LOC128125818: variants seen among roughly 807,000 people sequenced by gnomAD.
the LOC128125818 span, among the ~76,000 whole-genome samples, chr4:6,069,064 G>A: frequency 6.6e-6 from 1 of 152,100 alleles, no homozygotes; most frequent in African/African-American, 2.4e-5. This position sits in a 1 kb window ranked among gnomAD's most constrained non-coding sequence, Gnocchi z 4.5. Context: ...AATGTTTAAA[G>A]TAAAAACACA....
chr4:6,068,812 C>G, the LOC128125818 span, among the ~76,000 whole-genome samples: 1 of 152,116 alleles, frequency 6.6e-6, no homozygotes, highest in Non-Finnish European at 1.5e-5. Context: ...TCAAGTGATC[C>G]GTCTACCTCG....
At chr4:6,067,858 C>A in the LOC128125818 span, among the ~76,000 whole-genome samples, 1 of 152,202 alleles carries the variant, frequency 6.6e-6, no homozygotes, top group Non-Finnish European at 1.5e-5. The surrounding 1 kb of genome is among the most constrained non-coding windows in gnomAD (Gnocchi z 4.6). Context: ...AGGTCACCCC[C>A]CTGAGCTCCA....
chr4:6,069,918 C>T, the LOC128125818 span: 35 of 396,126 alleles, frequency 8.8e-5, no homozygotes, highest in Admixed American at 1.2e-3. This position sits in a 1 kb window ranked among gnomAD's most constrained non-coding sequence, Gnocchi z 4.5. Flanking sequence ...CAACCAGATC[C>T]AGTCTCTCTC....
chr4:6,067,953 G>A, the LOC128125818 span, among the ~76,000 whole-genome samples: 1 of 152,094 alleles, frequency 6.6e-6, no homozygotes, highest in South Asian at 2.1e-4. The surrounding 1 kb of genome is among the most constrained non-coding windows in gnomAD (Gnocchi z 4.6). Context: ...GGACGAGTCT[G>A]TTTGTTGCTG....
chr4:6,064,980 A>G, the LOC128125818 span: 1 of 1,614,176 alleles, frequency 6.2e-7, no homozygotes, highest in Middle Eastern at 1.6e-4. This position sits in a 1 kb window ranked among gnomAD's most constrained non-coding sequence, Gnocchi z 4.3. Context: ...CTCCTCATCA[A>G]ATCCAAAAAA....
chr4:6,067,361 G>A, the LOC128125818 span, among the ~76,000 whole-genome samples: 1 of 152,200 alleles, frequency 6.6e-6, no homozygotes. This position sits in a 1 kb window ranked among gnomAD's most constrained non-coding sequence, Gnocchi z 4.6. Context: ...TGCCCCAGAT[G>A]AGTCTCATTG....
At chr4:6,068,503 G>A in the LOC128125818 span, among the ~76,000 whole-genome samples, 1 of 151,798 alleles carries the variant, frequency 6.6e-6, no homozygotes, top group African/African-American at 2.4e-5. Context: ...GCAACGAGTT[G>A]TCTGGGACCC....
chr4:6,066,443 T>G, the LOC128125818 span, among the ~76,000 whole-genome samples: 1 of 152,098 alleles, frequency 6.6e-6, no homozygotes, highest in African/African-American at 2.4e-5. Context: ...CCTCCCACAT[T>G]CCTCCTTGCT....
chr4:6,067,947 G>A, the LOC128125818 span, among the ~76,000 whole-genome samples: 43 of 152,244 alleles, frequency 2.8e-4, no homozygotes, highest in African/African-American at 9.1e-4. The surrounding 1 kb of genome is among the most constrained non-coding windows in gnomAD (Gnocchi z 4.6). Context: ...CTTTGGGGAC[G>A]AGTCTGTTTG....
the LOC128125818 span, among the ~76,000 whole-genome samples, chr4:6,068,411 C>T: frequency 6.6e-6 from 1 of 152,140 alleles, no homozygotes; most frequent in African/African-American, 2.4e-5. Context: ...AAACCAAACA[C>T]AAAAGGGCAG....
At chr4:6,066,321 C>T in the LOC128125818 span, among the ~76,000 whole-genome samples, 2 of 152,172 alleles carry the variant, frequency 1.3e-5, no homozygotes, top group African/African-American at 2.4e-5. Context: ...TGCAGGGACA[C>T]CCTTGTCACC....
the LOC128125818 span, chr4:6,065,141 T>C: frequency 8.9e-7 from 1 of 1,118,944 alleles, no homozygotes; most frequent in Non-Finnish European, 1.3e-6. The surrounding 1 kb of genome is among the most constrained non-coding windows in gnomAD (Gnocchi z 5.1). Context: ...CAAGATGCGG[T>C]TGGTGGGCTT....
the LOC128125818 span, among the ~76,000 whole-genome samples, chr4:6,067,474 C>G: frequency 1.3e-5 from 2 of 152,176 alleles, no homozygotes; most frequent in African/African-American, 4.8e-5. The surrounding 1 kb of genome is among the most constrained non-coding windows in gnomAD (Gnocchi z 4.6). Context: ...TGGATGAGAA[C>G]CCCACCCGAC....
the LOC128125818 span, among the ~76,000 whole-genome samples, chr4:6,066,905 G>C: frequency 3.3e-5 from 5 of 151,314 alleles, no homozygotes; most frequent in East Asian, 9.8e-4. Context: ...CCAGGCTTCT[G>C]CACCCCACAC....
At chr4:6,066,748 C>T in the LOC128125818 span, among the ~76,000 whole-genome samples, 2 of 152,094 alleles carry the variant, frequency 1.3e-5, no homozygotes, top group East Asian at 1.9e-4. Context: ...CCATTGGGAC[C>T]TTCATCTTGG....
chr4:6,068,860 A>T, the LOC128125818 span, among the ~76,000 whole-genome samples: 1 of 152,190 alleles, frequency 6.6e-6, no homozygotes, highest in Non-Finnish European at 1.5e-5. Context: ...GTGAGCCATC[A>T]TGCCCAGCCT....
the LOC128125818 span, among the ~76,000 whole-genome samples, chr4:6,068,423 C>A: frequency 1.3e-5 from 2 of 152,082 alleles, no homozygotes; most frequent in Non-Finnish European, 2.9e-5. Flanking sequence ...AAAGGGCAGT[C>A]CAATTTGAAT....
the LOC128125818 span, chr4:6,070,019 A>G: frequency 5.0e-6 from 2 of 398,596 alleles, no homozygotes; most frequent in Non-Finnish European, 8.8e-6. Context: ...GGACCGCCAG[A>G]GAACCTCAAA....
chr4:6,065,830 C>A, the LOC128125818 span, among the ~76,000 whole-genome samples: 4,212 of 152,218 alleles, frequency 0.028, 75 homozygotes, highest in Non-Finnish European at 0.044. This position sits in a 1 kb window ranked among gnomAD's most constrained non-coding sequence, Gnocchi z 5.1. Flanking sequence ...AAAACACTGG[C>A]AAAGCTCCTT....
Sources: allele counts gnomAD v4.1 joint callset (sites outside exome capture counted in the v4.1 genomes callset), GRCh38; gene constraint gnomAD v4.1.1; non-coding constraint Gnocchi (gnomAD v3.1); transcripts MANE v1.5.